Variants in SLC6A5 observed in about 807,000 individuals in gnomAD.
SLC6A5 encodes solute carrier family 6 member 5.
In SLC6A5, 58 loss-of-function variants were observed where a neutral mutation model predicts 90.5. The observed-to-expected ratio is 0.64, with a 90% CI of 0.52 to 0.80. The LOEUF is 0.80. SLC6A5 is among the 30% of genes least tolerant of loss of function. The pLI, the probability that SLC6A5 is intolerant of heterozygous loss-of-function variation, is 0.00. For missense variants in SLC6A5, 1,015 were observed against 1,017.6 expected, an observed-to-expected ratio of 1.00 and a Z score of 0.03; for synonymous variants, 427 against 401.4, an observed-to-expected ratio of 1.06 and a Z score of -0.76.
chr11:20,604,376 C>A lies in SLC6A5; in HGVS notation c.631C>A (p.Leu211Met). The change falls in exon 3 of 16, where the codon CTG becomes ATG. Residue 211 changes from leucine (L) to methionine (M), a missense_variant. This residue lies in a region of SLC6A5 where 567 missense variants were observed against 507.3 expected (regional missense o/e 1.12). Transcript: ENST00000525748. ...GTCCATGGTGGGGTACGCAGTGGGG[C>A]TGGGCAATGTCTGGAGGTTTCCCTA... ...ILSMVGYAVG[L>M]GNVWRFPYLA... The A allele has an allele frequency of 6.2e-7, 1 of 1,614,044 alleles. No homozygotes were observed. The highest frequency in any genetic ancestry group is 8.5e-7 in the Non-Finnish European group (1 of 1,179,960).
chr11:20,608,835 C>T (rs1377839701), intron 5 of SLC6A5, among the ~76,000 whole-genome samples: 2 of 152,112 alleles, frequency 1.3e-5, no homozygotes, highest in Admixed American at 6.5e-5. Context: ...GAATTCTTCC[C>T]TCTCGCAGAC....
At position 20,601,590 on chromosome 11, in the gene SLC6A5, C is replaced by A; in HGVS notation, c.465C>A (p.Ser155Arg). The change falls in exon 2 of 16, where the codon AGC becomes AGA. Residue 155 changes from serine to arginine, a missense_variant. Transcript: ENST00000525748. The stretch of plus-strand genomic sequence containing the variant: ...CTGTTGTGGGCTGGGTGAACATGAG[C>A]CAGAGCACCGTGGTGCTGGCCACGG... The part of the protein sequence containing the change: ...NTPVVGWVNM[S>R]QSTVVLATDG... 1.2e-6 allele frequency: 2 copies of A among 1,614,110 alleles called. No homozygotes were observed. The highest frequency in any genetic ancestry group is 1.7e-6 in the Non-Finnish European group (2 of 1,179,980).
At position 20,656,262 on chromosome 11, in the gene SLC6A5, T is replaced by C. The variant is rs1428085276; in HGVS notation, c.*1394T>C. On this transcript the variant is annotated 3_prime_UTR_variant, in exon 16 of 16. Transcript: ENST00000525748. ...TAGTGGTGTTTTCTGTCCTTATAAA[T>C]ATCTTTTGAATTCTGTAGAGATGGT... 2 of 152,250 alleles carry C rather than the reference T, an allele frequency of 1.3e-5. No homozygotes were observed. Among genetic ancestry groups the C allele is most frequent in the Non-Finnish European group, 2.9e-5 (2 of 68,046 alleles). The allele number at this position is 152,250 out of a possible 1,614,324, so 9.4% of individuals were successfully genotyped here. A position where few individuals can be genotyped will look rare whatever the true frequency, so the allele number is the denominator to read the frequency against.
chr11:20,638,427 A>G, intron 12 of SLC6A5, 32 bp from the exon 13 acceptor site: 1 of 1,351,192 alleles, frequency 7.4e-7, no homozygotes, highest in South Asian at 1.2e-5. Flanking sequence ...TTCAGGACGC[A>G]TTTGATATTG....
intron 6 of SLC6A5, among the ~76,000 whole-genome samples, chr11:20,616,005 T>C (rs993041234): frequency 1.3e-5 from 2 of 152,236 alleles, no homozygotes; most frequent in African/African-American, 2.4e-5. Flanking sequence ...TCTCCTATTT[T>C]AAATGGCAGC....
chr11:20,642,892 G>T (rs947761519), intron 13 of SLC6A5, among the ~76,000 whole-genome samples: 2 of 152,152 alleles, frequency 1.3e-5, no homozygotes, highest in Non-Finnish European at 2.9e-5. Flanking sequence ...GTCCAAACTG[G>T]CCCTGAAACC....
intron 7 of SLC6A5, among the ~76,000 whole-genome samples, chr11:20,623,919 A>C (rs1398175659): frequency 6.6e-6 from 1 of 151,868 alleles, no homozygotes; most frequent in African/African-American, 2.4e-5. Context: ...TCATTTTTTC[A>C]ATCCACATAT....
chr11:20,608,551 T>A (rs1162432441), intron 5 of SLC6A5, among the ~76,000 whole-genome samples: 1 of 152,284 alleles, frequency 6.6e-6, no homozygotes, highest in East Asian at 1.9e-4. Flanking sequence ...AAATGAGGAG[T>A]GTGATACAGT....
At chr11:20,650,706 G>A (rs530099698) in intron 14 of SLC6A5, among the ~76,000 whole-genome samples, 2 of 123,214 alleles carry the variant, frequency 1.6e-5, no homozygotes, top group East Asian at 3.1e-4. Flanking sequence ...TCGCTCTGTC[G>A]CCCAGGCTGG....
intron 13 of SLC6A5, among the ~76,000 whole-genome samples, chr11:20,645,150 T>A (rs563016156): frequency 6.6e-6 from 1 of 152,202 alleles, no homozygotes; most frequent in South Asian, 2.1e-4. Context: ...ATTGAACTAT[T>A]CCATTCTGCA....
chr11:20,634,428 A>T (rs1183144975), intron 10 of SLC6A5, among the ~76,000 whole-genome samples: 1 of 152,232 alleles, frequency 6.6e-6, no homozygotes, highest in African/African-American at 2.4e-5. Context: ...AGCAGACTGA[A>T]TATTTTGAAA....
rs556359356 is a variant in SLC6A5, at chr11:20,658,577, A to G, written c.*3709A>G. On this transcript the variant is annotated 3_prime_UTR_variant, in exon 16 of 16. Coordinates refer to ENST00000525748, the MANE Select transcript of SLC6A5 (RefSeq NM_004211.5). ...CCACAAAGTGGCCCTAGGATTTGTG[A>G]AAGTGAAGCTTCCTATCTTTCCCAG... 6.6e-6 allele frequency: 1 copy of G among 152,186 alleles called. No individual in the cohort carries two copies. The highest frequency in any genetic ancestry group is 2.4e-5 in the African/African-American group (1 of 41,432). The allele number at this position is 152,186 out of a possible 1,614,324, so 9.4% of individuals were successfully genotyped here.
At chr11:20,604,501 G>T in intron 3 of SLC6A5, 77 bp downstream of exon 3, 1 of 1,561,812 alleles carries the variant, frequency 6.4e-7, no homozygotes, top group Non-Finnish European at 8.7e-7. Context: ...GGAGCCCTCA[G>T]GCAGGGCCGC....
At position 20,652,285 on chromosome 11, in the gene SLC6A5, C is replaced by A; in HGVS notation, c.2071-4C>A. 6.2e-7 allele frequency: 1 copy of A among 1,614,108 alleles called. No homozygotes were observed. Among genetic ancestry groups the A allele is most frequent in the Non-Finnish European group, 8.5e-7 (1 of 1,179,954 alleles). On this transcript the variant is annotated splice_region_variant and splice_polypyrimidine_tract_variant and intron_variant, in intron 14 of 15. Transcript: ENST00000525748. ...TAACACGTGTGTCACTTTTCTCTTT[C>A]CAGTTTATCCTTTGCTTCAGCTTTT... is the stretch of plus-strand genomic sequence containing the variant.
chr11:20,601,457 G>A lies in SLC6A5; in HGVS notation c.332G>A (p.Ser111Asn), dbSNP rs752743905. 31 of 1,609,770 alleles carry A rather than the reference G, an allele frequency of 1.9e-5. No homozygotes were observed. Among genetic ancestry groups the A allele is most frequent in the Non-Finnish European group, 2.6e-5 (31 of 1,178,212 alleles). ...QGAQASPPPG[S>N]SGPGNALHCK... ...GCGCAGGCCTCGCCCCCTCCCGGGA[G>A]CTCCGGGCCCGGCAACGCGCTGCAC... The change falls in exon 2 of 16, where the codon AGC (serine) becomes AAC (asparagine). Residue 111 changes from serine to asparagine, a missense_variant. By Grantham distance (46) the Ser-to-Asn change is conservative. Coordinates refer to ENST00000525748, the MANE Select transcript of SLC6A5 (RefSeq NM_004211.5).
chr11:20,633,256 C>T (rs550372561), intron 10 of SLC6A5, among the ~76,000 whole-genome samples: 35 of 152,262 alleles, frequency 2.3e-4, no homozygotes, highest in African/African-American at 8.2e-4. Context: ...TTTAGCATTC[C>T]CAGGTGTAGG....
At chr11:20,604,463 G>T in intron 3 of SLC6A5, 39 bp downstream of exon 3, 1 of 1,607,868 alleles carries the variant, frequency 6.2e-7, no homozygotes, top group Non-Finnish European at 8.5e-7. Flanking sequence ...GGCGGGGCGG[G>T]GCGGGCACCT....
chr11:20,654,333 G>A (rs757061018), intron 15 of SLC6A5, among the ~76,000 whole-genome samples: 24 of 152,144 alleles, frequency 1.6e-4, no homozygotes, highest in Admixed American at 6.6e-5. Context: ...AAGCACATGT[G>A]TTTTGCAGAC....
In SLC6A5 at chr11:20,601,432, G is replaced by A. The variant is rs1852473995; in HGVS notation, c.307G>A (p.Ala103Thr). 2 of 1,606,070 alleles carry A rather than the reference G, an allele frequency of 1.2e-6. No individual in the cohort carries two copies. Among genetic ancestry groups the A allele is most frequent in the Middle Eastern group, 1.7e-4 (1 of 6,018 alleles). The change falls in exon 2 of 16, where the codon GCG becomes ACG. Residue 103 changes from alanine (A) to threonine (T), a missense_variant. Ala to Thr is a moderately conservative substitution (Grantham distance 58). This residue lies in a region of SLC6A5 where 567 missense variants were observed against 507.3 expected (regional missense o/e 1.12). Coordinates refer to ENST00000525748, the MANE Select transcript of SLC6A5 (RefSeq NM_004211.5). ...GCGGGACTTGAGAGAGGCGCAAGGC[G>A]CGCAGGCCTCGCCCCCTCCCGGGAG... ...ALRDLREAQG[A>T]QASPPPGSSG...
Sources: allele counts gnomAD v4.1 joint callset (sites outside exome capture counted in the v4.1 genomes callset), GRCh38; gene constraint gnomAD v4.1.1; regional missense constraint gnomAD v4.1.1; transcripts MANE v1.5; gene names NCBI Gene and HGNC (gene_info 2026-07-23, HGNC 2026-07-21).